ZNF682: variants seen among roughly 807,000 people sequenced by gnomAD.
ZNF682 encodes the protein zinc finger protein 682.
In ZNF682, 29 loss-of-function variants were observed where a neutral mutation model predicts 36.5. That is an observed-to-expected ratio of 0.80 (90% CI 0.59 to 1.08). ZNF682 has a LOEUF of 1.08. Ranked by LOEUF, ZNF682 falls within the 50% of genes least tolerant of loss-of-function variation. ZNF682 has a pLI of 0.00. For missense variants in ZNF682, 561 were observed against 579.7 expected, an observed-to-expected ratio of 0.97 and a Z score of 0.33; for synonymous variants, 180 against 197.0, an observed-to-expected ratio of 0.91 and a Z score of 0.72.
At chr19:20,024,877 A>T (rs1240497502) in intron 1 of ZNF682, among the ~76,000 whole-genome samples, 1 of 152,334 alleles carries the variant, frequency 6.6e-6, no homozygotes, top group East Asian at 1.9e-4. Flanking sequence ...CTAAATAATC[A>T]CTATAAAATT....
intron 3 of ZNF682, among the ~76,000 whole-genome samples, chr19:20,021,061 G>GGAA (rs10656448): frequency 0.82 from 124,646 of 151,846 alleles, 51,428 homozygotes; most frequent in Middle Eastern, 0.9. Context: ...GGGCCACAGT[G>GGAA]GAAGAATTGT....
rs1252685740 is a variant in ZNF682 at position 20,006,107 on chromosome 19, G to A, written c.1395C>T (p.Cys465=). 6.2e-7 allele frequency: 1 copy of A among 1,614,070 alleles called. No homozygotes were observed. The highest frequency in any genetic ancestry group is 8.5e-7 in the Non-Finnish European group (1 of 1,179,998). The change falls in exon 4 of 4, where the codon TGC becomes TGT. Residue 465 remains cysteine, a synonymous_variant. Transcript: ENST00000397165. ...CTCTCTTATGTTCATTAAGATGTGA[G>A]CACCGTTTAAAAGCTTTGCCACATT... ...CEECGKAFKR[C]SHLNEHKRVQ... is the part of the protein sequence containing the mutation.
At chr19:20,025,502 T>C (rs1359385480) in intron 1 of ZNF682, among the ~76,000 whole-genome samples, 5 of 151,098 alleles carry the variant, frequency 3.3e-5, no homozygotes, top group South Asian at 2.1e-4. Context: ...ATGGTGAAAC[T>C]CCATCTTTAC....
At chr19:20,015,383 A>G (rs2088326211) in intron 3 of ZNF682, 2 of 984,420 alleles carry the variant, frequency 2.0e-6, no homozygotes, top group East Asian at 1.1e-4. Context: ...GGTAATAAAC[A>G]TATGGCTGAT....
At position 20,005,280 on chromosome 19, in the gene ZNF682, G is replaced by A. The variant is rs1414009598; in HGVS notation, c.*725C>T. ...TTAGTAGAGACAGGGTTTCATCGTG[G>A]TCTCGATCTCCTGACCTCGTGATCC... On this transcript the variant is annotated 3_prime_UTR_variant, in exon 4 of 4. Coordinates refer to ENST00000397165, the MANE Select transcript of ZNF682 (RefSeq NM_033196.3). 2 of 151,876 alleles carry A rather than the reference G, an allele frequency of 1.3e-5. No individual in the cohort carries two copies. Among genetic ancestry groups the A allele is most frequent in the Non-Finnish European group, 2.9e-5 (2 of 67,958 alleles). The allele number at this position is 151,876 out of a possible 1,614,324, so 9.4% of individuals were successfully genotyped here.
At chr19:19,999,054 C>T (rs867661355) in intron 3 of ZNF682, among the ~76,000 whole-genome samples, 1 of 152,034 alleles carries the variant, frequency 6.6e-6, no homozygotes, top group East Asian at 1.9e-4. Flanking sequence ...AAAAAAGATA[C>T]CCCAGGGGGC....
chr19:20,007,240 C>A lies in ZNF682; in HGVS notation c.262G>T (p.Glu88Ter). The part of the protein sequence containing the change: ...SSHYTEDLLP[E>*]QCMQDSFQKV... ...TGGAATGAATCTTGCATGCACTGTT[C>A]TGGCAAAAGGTCTTCAGTGTAATGA... Residue 88 changes from glutamate to a stop codon, truncating the protein, a stop_gained, in exon 4 of 4, where the codon GAA becomes TAA. Coordinates refer to ENST00000397165, the MANE Select transcript of ZNF682 (RefSeq NM_033196.3). LOFTEE classifies it low-confidence loss of function (END_TRUNC). 1 of 1,612,710 alleles carries A rather than the reference C, an allele frequency of 6.2e-7. No individual in the cohort carries two copies. Among genetic ancestry groups the A allele is most frequent in the Non-Finnish European group, 8.5e-7 (1 of 1,179,672 alleles).
chr19:20,029,151 C>G (rs1176359533), intron 1 of ZNF682, among the ~76,000 whole-genome samples: 1 of 151,538 alleles, frequency 6.6e-6, no homozygotes, highest in African/African-American at 2.4e-5. Context: ...GCTAATTTTT[C>G]TATTTTTGGT....
intron 3 of ZNF682, among the ~76,000 whole-genome samples, chr19:19,997,773 C>G (rs1457304113): frequency 6.6e-6 from 1 of 152,146 alleles, no homozygotes; most frequent in African/African-American, 2.4e-5. Flanking sequence ...CCCCTGGGAC[C>G]CTGGAGAGCC....
At chr19:20,038,019 C>A (rs778533699) in intron 1 of ZNF682, among the ~76,000 whole-genome samples, 3 of 152,162 alleles carry the variant, frequency 2.0e-5, no homozygotes, top group African/African-American at 7.2e-5. Flanking sequence ...TCAGGAGACA[C>A]AGCCACTGTG....
chr19:20,037,541 G>C (rs1027129841), intron 1 of ZNF682, among the ~76,000 whole-genome samples: 1 of 152,140 alleles, frequency 6.6e-6, no homozygotes, highest in Non-Finnish European at 1.5e-5. Flanking sequence ...TTGGAACACA[G>C]ACATATCTGA....
downstream of ZNF682, among the ~76,000 whole-genome samples, chr19:19,995,565 C>G (rs528399441): frequency 6.6e-6 from 1 of 152,220 alleles, no homozygotes; most frequent in African/African-American, 2.4e-5. Context: ...TGAAACAGCG[C>G]GGGATGAATG....
Position 20,033,870 on chromosome 19 carries a change from A to G in ZNF682, c.3+5473T>C, listed in dbSNP as rs147954311. On this transcript the variant is annotated intron_variant, in intron 1 of 3. Transcript: ENST00000397165. ...CGCCCGGCCTCCAGCCTCAGTTTCT[A>G]CTGACAACGATGACATGGAAAAAGT... 169 of 153,194 alleles carry G rather than the reference A, an allele frequency of 1.1e-3. 1 individual carries two copies. The East Asian group carries it at 0.022, about 20-fold the overall frequency. The allele number at this position is 153,194 out of a possible 1,614,324, so 9.5% of individuals were successfully genotyped here.
chr19:20,030,012 G>A (rs1041236466), intron 1 of ZNF682, among the ~76,000 whole-genome samples: 3 of 152,138 alleles, frequency 2.0e-5, no homozygotes, highest in African/African-American at 4.8e-5. Flanking sequence ...GAGGTGAAAC[G>A]TGGGTAAGGC....
chr19:20,010,402 G>A (rs2088274053), intron 3 of ZNF682, among the ~76,000 whole-genome samples: 2 of 152,198 alleles, frequency 1.3e-5, no homozygotes, highest in Non-Finnish European at 2.9e-5. Context: ...GCTCATGCTT[G>A]TAATCCCAGC....
At chr19:20,022,165 T>C (rs1599611342) in intron 3 of ZNF682, among the ~76,000 whole-genome samples, 1 of 133,012 alleles carries the variant, frequency 7.5e-6, no homozygotes, top group East Asian at 2.2e-4. Flanking sequence ...TGAAACTCCG[T>C]CGCAAAAAAA....
intron 3 of ZNF682, among the ~76,000 whole-genome samples, chr19:20,010,867 A>C (rs1458026958): frequency 2.6e-5 from 4 of 152,088 alleles, no homozygotes; most frequent in Non-Finnish European, 5.9e-5. Context: ...AGGGAGGCTG[A>C]GGCAGGAGAA....
At chr19:20,036,498 C>T (rs1413228757) in intron 1 of ZNF682, among the ~76,000 whole-genome samples, 3 of 148,770 alleles carry the variant, frequency 2.0e-5, no homozygotes, top group East Asian at 2.0e-4. Flanking sequence ...CCCAGCTACT[C>T]GGGAGGCTGA....
Position 20,006,863 on chromosome 19 carries a change from G to A in ZNF682, c.639C>T (p.Phe213=), listed in dbSNP as rs1417115000. Residue 213 remains phenylalanine, a synonymous_variant, in exon 4 of 4, where the codon TTC becomes TTT. Transcript: ENST00000397165. The part of the protein sequence containing the change: ...CEECGKTFKW[F]SYLTKHKRIH... ...TTCTCTTATGTTTAGTAAGGTATGA[G>A]AACCACTTAAAGGTTTTGCCACATT... is the stretch of plus-strand genomic sequence containing the variant. The A allele has an allele frequency of 1.9e-6, 3 of 1,613,900 alleles. No homozygotes were observed. The African/African-American group carries it at 4.0e-5, about 22-fold the overall frequency.
Sources: gnomAD v4.1 joint callset for allele counts (sites outside exome capture counted in the v4.1 genomes callset) on GRCh38, gnomAD v4.1.1 for gene constraint, MANE v1.5 for transcripts, NCBI Gene and HGNC (gene_info 2026-07-23, HGNC 2026-07-21) for gene names.